The following ZC3H12B variants were observed in gnomAD, a reference collection of about 807,000 sequenced individuals.
The protein encoded by ZC3H12B is probable ribonuclease ZC3H12B.
A neutral mutation model predicts 43.9 loss-of-function variants in ZC3H12B; 7 were observed. The ratio of observed to expected loss-of-function variants is 0.16; its 90% CI spans 0.09 to 0.30. The LOEUF is 0.30. Ranked by LOEUF, ZC3H12B falls within the 10% of genes least tolerant of loss-of-function variation. ZC3H12B has a pLI of 1.00. For missense variants in ZC3H12B, 475 were observed against 670.2 expected, an observed-to-expected ratio of 0.71 and a Z score of 3.22; for synonymous variants, 222 against 241.7, an observed-to-expected ratio of 0.92 and a Z score of 0.76.
chrX:65,209,273 G>A, the ZC3H12B span, among the ~76,000 whole-genome samples: 1 of 27,757 alleles, frequency 3.6e-5, no homozygotes, highest in Non-Finnish European at 6.4e-5. Context: ...GTGATGTTAG[G>A]GTGTCAATTT....
At chrX:65,285,060 C>T in the ZC3H12B span, among the ~76,000 whole-genome samples, 1 of 110,127 alleles carries the variant, frequency 9.1e-6, no homozygotes, top group Non-Finnish European at 1.9e-5. Context: ...ATTAGAAAAC[C>T]TATTTAATAA....
At chrX:65,165,058 T>G in the ZC3H12B span, among the ~76,000 whole-genome samples, 3 of 111,698 alleles carry the variant, frequency 2.7e-5, no homozygotes, top group Non-Finnish European at 5.6e-5. Context: ...CGAAGTTATA[T>G]TTCGATGTTA....
chrX:65,242,462 T>C, the ZC3H12B span, among the ~76,000 whole-genome samples: 2 of 111,680 alleles, frequency 1.8e-5, no homozygotes, highest in Non-Finnish European at 3.8e-5. Context: ...TAATGAAAAG[T>C]ATAAAACAAT....
chrX:65,231,654 A>T, the ZC3H12B span, among the ~76,000 whole-genome samples: 4 of 110,913 alleles, frequency 3.6e-5, no homozygotes, highest in Non-Finnish European at 7.5e-5. Flanking sequence ...TTGCACATCC[A>T]TCTATAGGTT....
At chrX:65,181,558 GA>G in the ZC3H12B span, among the ~76,000 whole-genome samples, 4 of 110,782 alleles carry the variant, frequency 3.6e-5, no homozygotes, top group Admixed American at 9.6e-5. Flanking sequence ...AAATTTACAA[GA>G]AAAAAAATAA....
chrX:65,401,183 GA>G (rs954224837), intron 3 of ZC3H12B, among the ~76,000 whole-genome samples: 4 of 111,006 alleles, frequency 3.6e-5, no homozygotes, highest in Admixed American at 2.9e-4. Context: ...TGAAGAGATA[GA>G]AAAAACATTC....
At chrX:65,473,180 A>AT (rs753127215) in intron 3 of ZC3H12B, among the ~76,000 whole-genome samples, 1 of 105,271 alleles carries the variant, frequency 9.5e-6, no homozygotes, top group East Asian at 3.0e-4. Flanking sequence ...CACCCAGCTA[A>AT]TTTTTTTGTA....
At chrX:65,310,796 A>G in the ZC3H12B span, among the ~76,000 whole-genome samples, 4 of 111,540 alleles carry the variant, frequency 3.6e-5, no homozygotes, top group South Asian at 3.7e-4. Context: ...TACCAAAACC[A>G]ATATATAGAC....
intron 3 of ZC3H12B, among the ~76,000 whole-genome samples, chrX:65,417,717 T>C: frequency 8.8e-6 from 1 of 113,168 alleles, no homozygotes; most frequent in East Asian, 2.8e-4. Context: ...ATTTGATCAG[T>C]AATCCCAGCC....
intron 2 of ZC3H12B, among the ~76,000 whole-genome samples, chrX:65,385,830 A>T (rs1228782502): frequency 8.9e-6 from 1 of 112,026 alleles, no homozygotes; most frequent in African/African-American, 3.3e-5. Context: ...TCAATACCTA[A>T]TTTATTGAGA....
the ZC3H12B span, among the ~76,000 whole-genome samples, chrX:65,224,101 C>A: frequency 1.8e-5 from 2 of 112,350 alleles, no homozygotes; most frequent in Admixed American, 9.4e-5. Flanking sequence ...TATTTATATA[C>A]AATGGAATAT....
the ZC3H12B span, among the ~76,000 whole-genome samples, chrX:65,171,790 A>T: frequency 9.0e-6 from 1 of 110,856 alleles, no homozygotes. Flanking sequence ...TCGATCTCAG[A>T]CTGCTGTGCT....
At chrX:65,332,116 G>T in the ZC3H12B span, among the ~76,000 whole-genome samples, 1 of 110,669 alleles carries the variant, frequency 9.0e-6, no homozygotes, top group Non-Finnish European at 1.9e-5. Context: ...ATTCAAGATG[G>T]AGTTGCTCTG....
At chrX:65,167,184 T>C in the ZC3H12B span, among the ~76,000 whole-genome samples, 3 of 111,923 alleles carry the variant, frequency 2.7e-5, no homozygotes, top group South Asian at 3.7e-4. Flanking sequence ...AGGTCTAACA[T>C]TTAAGTCTTT....
chrX:65,039,519 A>G, the ZC3H12B span, among the ~76,000 whole-genome samples: 1 of 111,567 alleles, frequency 9.0e-6, no homozygotes, highest in Non-Finnish European at 1.9e-5. Context: ...GCTCCTCATT[A>G]TGCTCACTTT....
chrX:65,347,088 G>T, the ZC3H12B span, among the ~76,000 whole-genome samples: 7 of 112,207 alleles, frequency 6.2e-5, no homozygotes, highest in African/African-American at 2.3e-4. Flanking sequence ...CCTCTGGGAC[G>T]TAGCTTCCAG....
the ZC3H12B span, among the ~76,000 whole-genome samples, chrX:65,037,212 A>G: frequency 2.7e-5 from 3 of 111,495 alleles, no homozygotes; most frequent in African/African-American, 9.8e-5. Context: ...GAACAGAGTC[A>G]TATTGAATAA....
chrX:65,501,882 G>C (rs769532533), exon 5 of ZC3H12B: 1 of 1,206,951 alleles, frequency 8.3e-7, no homozygotes, highest in East Asian at 3.0e-5. Flanking sequence ...CTCCGCATCA[G>C]TGCCAAACTG....
intron 3 of ZC3H12B, among the ~76,000 whole-genome samples, chrX:65,439,154 C>A (rs1032163470): frequency 1.8e-5 from 2 of 112,328 alleles, no homozygotes; most frequent in Non-Finnish European, 3.8e-5. Flanking sequence ...CTCCTTCAAG[C>A]ACTCCAGTTC....
Sources: gnomAD v4.1 joint callset for allele counts (sites outside exome capture counted in the v4.1 genomes callset) on GRCh38, gnomAD v4.1.1 for gene constraint, MANE v1.5 for transcripts, NCBI Gene and HGNC (gene_info 2026-07-23, HGNC 2026-07-21) for gene names.